Variants in ZSCAN5A observed in about 807,000 individuals in gnomAD.
The protein encoded by ZSCAN5A is zinc finger and SCAN domain-containing protein 5A.
In ZSCAN5A, 12 loss-of-function variants were observed where a neutral mutation model predicts 23.7. That is an observed-to-expected ratio of 0.51 (90% confidence interval 0.32 to 0.82). ZSCAN5A has a LOEUF of 0.82. ZSCAN5A is among the 40% of genes least tolerant of loss of function. ZSCAN5A has a pLI of 0.03. For missense variants in ZSCAN5A, 597 were observed against 617.9 expected (o/e 0.97, Z 0.36); for synonymous variants, 257 against 239.9 (o/e 1.07, Z -0.66).
intron 2 of ZSCAN5A, among the ~76,000 whole-genome samples, chr19:56,354,994 C>T (rs1005085180): frequency 1.2e-4 from 19 of 152,170 alleles, no homozygotes; most frequent in Admixed American, 6.5e-5. Flanking sequence ...CTGAGGACCC[C>T]AACATTAATA....
intron 2 of ZSCAN5A, among the ~76,000 whole-genome samples, chr19:56,250,742 C>A (rs2036278673): frequency 6.6e-6 from 1 of 152,178 alleles, no homozygotes; most frequent in Non-Finnish European, 1.5e-5. Context: ...GGCTTTCCAC[C>A]CATTATCACA....
intron 2 of ZSCAN5A, among the ~76,000 whole-genome samples, chr19:56,226,653 G>C (rs1399304878): frequency 2.0e-4 from 30 of 152,050 alleles, no homozygotes; most frequent in African/African-American, 7.0e-4. Context: ...AGACAGTATA[G>C]AAGCTCCTCA....
chr19:56,329,268 G>C (rs1402563929), intron 2 of ZSCAN5A, among the ~76,000 whole-genome samples: 4 of 151,864 alleles, frequency 2.6e-5, no homozygotes, highest in Non-Finnish European at 5.9e-5. Context: ...AGAATCAGTT[G>C]AATCTGGGAG....
chr19:56,319,235 C>G (rs1419005943), upstream of ZSCAN5A, among the ~76,000 whole-genome samples: 2 of 152,020 alleles, frequency 1.3e-5, no homozygotes, highest in African/African-American at 4.8e-5. Flanking sequence ...CAGTGGCTCA[C>G]GACTGTAATC....
chr19:56,286,791 G>C (rs7248022), intron 2 of ZSCAN5A: 138,070 of 152,316 alleles, frequency 0.91, 63,147 homozygotes, highest in Middle Eastern at 0.94. Context: ...CTGTGTCCAC[G>C]TGAGATCTGC....
chr19:56,244,199 C>T (rs1215143319), intron 2 of ZSCAN5A: 79 of 1,610,096 alleles, frequency 4.9e-5, no homozygotes, highest in Non-Finnish European at 6.0e-5. Context: ...GTTCAGCTGC[C>T]CAGAGGAGTC....
intron 2 of ZSCAN5A, among the ~76,000 whole-genome samples, chr19:56,251,053 G>A (rs1188181828): frequency 6.6e-6 from 1 of 151,942 alleles, no homozygotes; most frequent in Admixed American, 6.6e-5. Flanking sequence ...GGGAAGCTGG[G>A]GCAGGAGAAT....
intron 2 of ZSCAN5A, among the ~76,000 whole-genome samples, chr19:56,333,755 A>T (rs2041510165): frequency 6.6e-6 from 1 of 152,266 alleles, no homozygotes; most frequent in East Asian, 1.9e-4. Context: ...AAAGCCAGAC[A>T]TGAGAAGAGT....
At chr19:56,257,553 C>A (rs532674776) in intron 2 of ZSCAN5A, among the ~76,000 whole-genome samples, 24 of 150,314 alleles carry the variant, frequency 1.6e-4, no homozygotes, top group Admixed American at 1.3e-3. Flanking sequence ...TAGACACAGG[C>A]GCCGGGGGAC....
intron 2 of ZSCAN5A, among the ~76,000 whole-genome samples, chr19:56,350,548 A>G (rs1027059969): frequency 1.3e-5 from 2 of 152,258 alleles, no homozygotes; most frequent in Non-Finnish European, 2.9e-5. Context: ...GCCTAGGCCT[A>G]AAGTTATTCT....
intron 2 of ZSCAN5A, among the ~76,000 whole-genome samples, chr19:56,229,371 G>GT (rs1758310260): frequency 6.6e-6 from 1 of 152,200 alleles, no homozygotes; most frequent in South Asian, 2.1e-4. Context: ...TGAAGATGAA[G>GT]TAAGACTATG....
At chr19:56,224,059 A>G (rs2033632686) in intron 3 of ZSCAN5A, among the ~76,000 whole-genome samples, 1 of 151,780 alleles carries the variant, frequency 6.6e-6, no homozygotes, top group Admixed American at 6.5e-5. Flanking sequence ...GTACATAAAC[A>G]TGGGTCCTTT....
chr19:56,326,904 T>C (rs902357551), intron 2 of ZSCAN5A, among the ~76,000 whole-genome samples: 2 of 152,102 alleles, frequency 1.3e-5, no homozygotes, highest in Non-Finnish European at 2.9e-5. Context: ...TGAAAGACAC[T>C]CCTTACACTT....
chr19:56,289,448 C>T (rs1169414531), intron 2 of ZSCAN5A, among the ~76,000 whole-genome samples: 4 of 152,100 alleles, frequency 2.6e-5, no homozygotes, highest in Admixed American at 6.5e-5. Context: ...GGAAGACAGA[C>T]GTATTTATAC....
intron 2 of ZSCAN5A, among the ~76,000 whole-genome samples, chr19:56,362,759 T>G (rs569929574): frequency 1.3e-5 from 2 of 151,408 alleles, no homozygotes; most frequent in African/African-American, 4.9e-5. Context: ...TAGTCTCAGC[T>G]ACTTGGGAGG....
rs779195657 is a variant in ZSCAN5A, at chr19:56,246,807, T to TTC, written c.-127-21636_-127-21635dup. 6.8e-5 allele frequency: 110 copies of TTC among 1,610,780 alleles called. No individual in the cohort carries two copies. In the African/African-American group the frequency reaches 1.4e-3, roughly 20 times the overall value. ...TCGAAAATGTGGATGCTGACACACCTTCTGCCTGCGTTGTGGAGAGAGAAG... is the reference window on the plus strand; with the variant it reads ...TCGAAAATGTGGATGCTGACACACCTTCTCTGCCTGCGTTGTGGAGAGAGAAG... On this transcript the variant is annotated intron_variant, in intron 2 of 5. Transcript: ENST00000683990.
At chr19:56,228,492 T>C (rs1029813218) in intron 2 of ZSCAN5A, 27 of 955,054 alleles carry the variant, frequency 2.8e-5, no homozygotes, top group Non-Finnish European at 2.9e-5. Flanking sequence ...ACTGTGCAAA[T>C]ATTTCCCGCT....
At chr19:56,336,339 T>C (rs2041535839) in intron 2 of ZSCAN5A, among the ~76,000 whole-genome samples, 1 of 152,246 alleles carries the variant, frequency 6.6e-6, no homozygotes, top group Non-Finnish European at 1.5e-5. Context: ...TAATTTCATC[T>C]TCCATTGCTG....
At position 56,357,300 on chromosome 19, in the gene ZSCAN5A, T is replaced by C. The variant is rs1257597332; in HGVS notation, c.-358+5935A>G. Among the ~76,000 whole-genome samples the C allele has an allele frequency of 3.4e-5, 5 of 148,742 alleles. No homozygotes were observed. The East Asian group carries it at 9.6e-4, about 29-fold the overall frequency. ...ATGTCTGGTGATCTTGCCTCATGCA[T>C]GCGAAGCCCAGCCCTCAGCCATAAG... is the stretch of plus-strand genomic sequence containing the variant. On this transcript the variant is annotated intron_variant, in intron 2 of 6. Transcript: ENST00000587340.
Sources: gnomAD v4.1 joint callset for allele counts (sites outside exome capture counted in the v4.1 genomes callset) on GRCh38, gnomAD v4.1.1 for gene constraint, MANE v1.5 for transcripts, NCBI Gene and HGNC (gene_info 2026-07-23, HGNC 2026-07-21) for gene names.